Variants in NF2 observed in about 807,000 individuals in gnomAD.
The protein encoded by NF2 is merlin.
In NF2, 8 loss-of-function variants were observed where a neutral mutation model predicts 83.7. The ratio of observed to expected loss-of-function variants is 0.10; its 90% CI spans 0.06 to 0.17. NF2 has a LOEUF of 0.17. NF2 is among the 10% of genes least tolerant of loss of function. NF2 has a pLI of 1.00. For missense variants in NF2, 533 were observed against 744.4 expected, an observed-to-expected ratio of 0.72 and a Z score of 3.31; for synonymous variants, 266 against 269.6, an observed-to-expected ratio of 0.99 and a Z score of 0.13.
chr22:29,675,175 C>T (rs1403143359), intron 13 of NF2, among the ~76,000 whole-genome samples: 1 of 152,224 alleles, frequency 6.6e-6, no homozygotes, highest in East Asian at 1.9e-4. Context: ...GCAACAGGGC[C>T]TTTTCCAGCT....
chr22:29,662,883 C>G (rs558111318), intron 8 of NF2, among the ~76,000 whole-genome samples: 1 of 152,228 alleles, frequency 6.6e-6, no homozygotes, highest in East Asian at 1.9e-4. Context: ...CCTGCACAGC[C>G]AGGACACAGA....
At chr22:29,637,409 G>A (rs927215458) in intron 2 of NF2, among the ~76,000 whole-genome samples, 23 of 152,116 alleles carry the variant, frequency 1.5e-4, no homozygotes, top group African/African-American at 5.3e-4. Context: ...CTGACACATG[G>A]CCAAGAAAGC....
chr22:29,673,119 T>G, intron 11 of NF2, 150 bp from the exon 12 acceptor site: 1 of 867,216 alleles, frequency 1.2e-6, no homozygotes, highest in Middle Eastern at 3.0e-4. Context: ...ATGTGGCTTG[T>G]CATTTCTTGT....
Position 29,694,953 on chromosome 22 carries a change from C to T in NF2, c.*151C>T. 1 of 775,704 alleles carries T rather than the reference C, an allele frequency of 1.3e-6. No individual in the cohort carries two copies. The highest frequency in any genetic ancestry group is 2.7e-5 in the East Asian group (1 of 37,632). 48.1% of individuals were successfully genotyped at this position (775,704 alleles called of 1,614,324 possible). A position where few individuals can be genotyped will look rare whatever the true frequency, so the allele number is the denominator to read the frequency against. On this transcript the variant is annotated 3_prime_UTR_variant, in exon 16 of 16. Transcript: ENST00000338641. This position sits in a 1 kb window ranked among gnomAD's most constrained non-coding sequence, Gnocchi z 4.1. ...CCCCAGCTGAGTGAAGAGCCCAGCC[C>T]CTCTTATGTGCAATTGCCTTGAACT...
At chr22:29,683,868 G>A in intron 15 of NF2, 2 of 1,053,224 alleles carry the variant, frequency 1.9e-6, no homozygotes, top group Non-Finnish European at 2.3e-6. Flanking sequence ...TGCCTAGGCA[G>A]TGGAGAGAAT....
chr22:29,662,828 A>AG, intron 8 of NF2, among the ~76,000 whole-genome samples: 1 of 152,342 alleles, frequency 6.6e-6, no homozygotes, highest in East Asian at 1.9e-4. Context: ...CTGAGAGCAC[A>AG]GGGGCACTGG....
In NF2 at chr22:29,696,062, C is replaced by CTTTCTT. The variant is rs1569321095; in HGVS notation, c.*1264_*1269dup. On this transcript the variant is annotated 3_prime_UTR_variant, in exon 16 of 16. Coordinates refer to ENST00000338641, the MANE Select transcript of NF2 (RefSeq NM_000268.4). ...CTTGGTCTGGGGCCACCTTCTTGCC[C>CTTTCTT]TTTCTTTTTTTTTTTTTTTTTTTTT... The CTTTCTT allele has an allele frequency of 4.5e-6, 1 of 223,418 alleles. No individual in the cohort carries two copies. Among genetic ancestry groups the CTTTCTT allele is most frequent in the African/African-American group, 2.4e-5 (1 of 42,484 alleles). The allele number at this position is 223,418 out of a possible 1,614,324, so 13.8% of individuals were successfully genotyped here. A position where few individuals can be genotyped will look rare whatever the true frequency, so the allele number is the denominator to read the frequency against.
chr22:29,673,215 G>A (rs189898078), intron 11 of NF2, 54 bp from the exon 12 acceptor site: 1 of 1,532,864 alleles, frequency 6.5e-7, no homozygotes, highest in African/African-American at 1.4e-5. Context: ...AGGCAGATCT[G>A]GGCGGGAGAA....
intron 12 of NF2, among the ~76,000 whole-genome samples, chr22:29,674,454 C>T (rs184054236): frequency 5.9e-5 from 9 of 152,306 alleles, no homozygotes; most frequent in East Asian, 1.9e-4. Flanking sequence ...CTGCCCTTTG[C>T]GATCCAATAT....
chr22:29,612,044 G>A (rs1011079732), intron 1 of NF2, among the ~76,000 whole-genome samples: 1 of 152,114 alleles, frequency 6.6e-6, no homozygotes, highest in Non-Finnish European at 1.5e-5. Flanking sequence ...GTCTCACTCT[G>A]TCGTCCAGGC....
intron 15 of NF2, among the ~76,000 whole-genome samples, chr22:29,692,705 C>G (rs919423741): frequency 6.6e-6 from 1 of 152,210 alleles, no homozygotes; most frequent in Non-Finnish European, 1.5e-5. Flanking sequence ...CCCTTCCTAA[C>G]GAGCACCCTG....
intron 2 of NF2, 86 bp from the exon 3 acceptor site, chr22:29,639,004 T>A (rs917673040): frequency 6.3e-7 from 1 of 1,589,912 alleles, no homozygotes; most frequent in African/African-American, 1.3e-5. Context: ...AAAAATTTAA[T>A]GCACGCCTTG....
At chr22:29,618,045 C>T (rs2065122694) in intron 1 of NF2, among the ~76,000 whole-genome samples, 2 of 152,084 alleles carry the variant, frequency 1.3e-5, no homozygotes, top group Admixed American at 1.3e-4. Flanking sequence ...CTATAATTGG[C>T]CTAAAGTAGG....
Position 29,603,898 on chromosome 22 carries a change from C to T in NF2, c.-101C>T. ...ACCGTTCCCGGGCCGGGCAGCCGGC[C>T]ACCATGGTGGCCCTGAGGCCTGTGC... On this transcript the variant is annotated 5_prime_UTR_variant, in exon 1 of 16. Transcript: ENST00000338641. 1 of 915,516 alleles carries T rather than the reference C, an allele frequency of 1.1e-6. No individual in the cohort carries two copies. The highest frequency in any genetic ancestry group is 1.5e-5 in the South Asian group (1 of 65,170). 56.7% of individuals were successfully genotyped at this position (915,516 alleles called of 1,614,324 possible).
At chr22:29,631,393 C>G (rs1214782496) in intron 1 of NF2, among the ~76,000 whole-genome samples, 1 of 152,172 alleles carries the variant, frequency 6.6e-6, no homozygotes, top group Admixed American at 6.5e-5. Flanking sequence ...AGTTGTGTTG[C>G]CACTGTACCC....
rs1172767665 is a variant in NF2 at position 29,697,950 on chromosome 22, A to C, written c.*3148A>C. The C allele has an allele frequency of 4.5e-6, 1 of 224,666 alleles. No homozygotes were observed. The highest frequency in any genetic ancestry group is 2.2e-5 in the African/African-American group (1 of 44,766). The allele number at this position is 224,666 out of a possible 1,614,324, so 13.9% of individuals were successfully genotyped here. On this transcript the variant is annotated 3_prime_UTR_variant, in exon 16 of 16. Transcript: ENST00000338641. ...CTCAAGCCCAAAGAGCAGCGTCCTG[A>C]CCATGGTGGTTTCATTACGAGCCCT...
intron 8 of NF2, among the ~76,000 whole-genome samples, chr22:29,663,724 T>C (rs1435836293): frequency 1.3e-5 from 2 of 152,246 alleles, no homozygotes; most frequent in African/African-American, 4.8e-5. Flanking sequence ...TAACCCCTTC[T>C]TGGGCAATAT....
intron 8 of NF2, 139 bp downstream of exon 8, chr22:29,661,478 A>C: frequency 1.5e-6 from 2 of 1,300,244 alleles, no homozygotes; most frequent in South Asian, 1.2e-5. Flanking sequence ...GTGGTTGTTG[A>C]TTTTCGAAGT....
At chr22:29,687,550 G>A (rs2079339) in intron 15 of NF2, among the ~76,000 whole-genome samples, 21,364 of 152,100 alleles carry the variant, frequency 0.14, 1,640 homozygotes, top group African/African-American at 0.19. Flanking sequence ...CCTCCCTGGC[G>A]ACCTCTGGTC....
Sources: gnomAD v4.1 joint callset for allele counts (sites outside exome capture counted in the v4.1 genomes callset) on GRCh38, gnomAD v4.1.1 for gene constraint, Gnocchi (gnomAD v3.1) non-coding constraint, MANE v1.5 for transcripts, NCBI Gene and HGNC (gene_info 2026-07-23, HGNC 2026-07-21) for gene names.